AHRR: variants seen among roughly 807,000 people sequenced by gnomAD.
AHRR encodes ahR repressor.
A neutral mutation model predicts 44.0 loss-of-function variants in AHRR; 28 were observed. The ratio of observed to expected loss-of-function variants is 0.64; its 90% CI spans 0.47 to 0.87. AHRR has a LOEUF of 0.87. AHRR is among the 40% of genes least tolerant of loss of function. AHRR has a pLI of 0.00. For synonymous variants in AHRR, 434 were observed against 407.0 expected (o/e 1.07, Z -0.80); for missense variants, 990 against 953.9 (o/e 1.04, Z -0.50).
chr5:366,963 C>T (rs1380482037), intron 3 of AHRR, among the ~76,000 whole-genome samples: 1 of 152,240 alleles, frequency 6.6e-6, no homozygotes, highest in Admixed American at 6.5e-5. Flanking sequence ...GCTGCTGCCG[C>T]AGTCCAGCAC....
rs750995139 is a variant in AHRR at position 432,458 on chromosome 5, C to T, written c.909-5C>T. On this transcript the variant is annotated splice_polypyrimidine_tract_variant and splice_region_variant and intron_variant, in intron 8 of 10. Coordinates refer to ENST00000684583, the MANE Select transcript of AHRR (RefSeq NM_001377236.1). ...ATGTCACATGTTCATCTGTGTTCTT[C>T]ACAGAGTAAAAGCCACCACCAGTCT... 1 of 1,614,044 alleles carries T rather than the reference C, an allele frequency of 6.2e-7. No individual in the cohort carries two copies. Among genetic ancestry groups the T allele is most frequent in the Admixed American group, 1.7e-5 (1 of 60,028 alleles).
intron 4 of AHRR, among the ~76,000 whole-genome samples, chr5:390,716 C>T (rs1734379181): frequency 6.6e-6 from 1 of 151,952 alleles, no homozygotes; most frequent in Non-Finnish European, 1.5e-5. Flanking sequence ...GTTGGAAGTT[C>T]CTGCTGGGAT....
intron 4 of AHRR, among the ~76,000 whole-genome samples, chr5:380,301 G>T (rs1190364298): frequency 1.3e-5 from 2 of 150,922 alleles, no homozygotes; most frequent in Non-Finnish European, 1.5e-5. Flanking sequence ...GAATTGTTCT[G>T]GCTATTCTAG....
intron 1 of AHRR, among the ~76,000 whole-genome samples, chr5:340,677 TATATATATA>T (rs1180436232): frequency 2.4e-4 from 7 of 29,046 alleles, no homozygotes; most frequent in South Asian, 1.1e-3. Context: ...TATATATATA[TATATATATA>T]TATTTTTTTT....
chr5:376,557 A>AACGCGGGGAAACACAGGTAAGAT, intron 3 of AHRR, 53 bp from the exon 4 acceptor site: 1 of 1,423,184 alleles, frequency 7.0e-7, no homozygotes. Flanking sequence ...AATGAAGAAG[A>AACGCGGGGAAACACAGGTAAGAT]GTGGCCAGGC....
Position 376,619 on chromosome 5 carries a change from A to G in AHRR, c.254A>G (p.Glu85Gly). Residue 85 changes from glutamate (E) to glycine (G), a missense_variant, in exon 4 of 11, where the codon GAG becomes GGG. Glu to Gly is a moderately conservative substitution (Grantham distance 98, BLOSUM62 -2). Coordinates refer to ENST00000684583, the MANE Select transcript of AHRR (RefSeq NM_001377236.1). ...RVKSFFQVVQEQSSRQPAAGA... is the reference protein window; with the variant it reads ...RVKSFFQVVQGQSSRQPAAGA... ...TTTTCTTCTCTGACAGTCGTGCAGGAGCAGAGCTCACGGCAGCCTGCGGCC... is the reference window on the plus strand; with the variant it reads ...TTTTCTTCTCTGACAGTCGTGCAGGGGCAGAGCTCACGGCAGCCTGCGGCC... 6.2e-7 allele frequency: 1 copy of G among 1,602,218 alleles called. No individual in the cohort carries two copies. Among genetic ancestry groups the G allele is most frequent in the South Asian group, 1.1e-5 (1 of 88,804 alleles).
rs1742456680 is a variant in AHRR, at chr5:343,811, G to A, written c.-10-82G>A. 3.4e-6 allele frequency: 5 copies of A among 1,451,474 alleles called. No individual in the cohort carries two copies. In the South Asian group the frequency reaches 4.9e-5, roughly 14 times the overall value. The allele number at this position is 1,451,474 out of a possible 1,614,324, so 89.9% of individuals were successfully genotyped here. A position where few individuals can be genotyped will look rare whatever the true frequency, so the allele number is the denominator to read the frequency against. ...TCGCGGGTGTGGGGGCGCCAGGACC[G>A]CGCTGAGGGGCCCGGGGCATCGCGG... On this transcript the variant is annotated intron_variant, in intron 1 of 10. Coordinates refer to ENST00000684583, the MANE Select transcript of AHRR (RefSeq NM_001377236.1).
At position 337,716 on chromosome 5, in the gene AHRR, G is replaced by A. The variant is rs1377860062; in HGVS notation, c.-10-6177G>A. On this transcript the variant is annotated intron_variant, in intron 1 of 10. Transcript: ENST00000684583. The surrounding 1 kb of genome is among the most constrained non-coding windows in gnomAD (Gnocchi z 4.1). ...TCTGGATGGTGCTCCGGGGCTGCGG[G>A]AGGCCCCTAAGGAGTGCGCTTGGAA... Among the ~76,000 whole-genome samples, 7 of 152,184 alleles carry A rather than the reference G, an allele frequency of 4.6e-5. No homozygotes were observed. The highest frequency in any genetic ancestry group is 4.6e-4 in the Admixed American group (7 of 15,276).
In AHRR at chr5:366,281, A is replaced by T. The variant is rs113785751; in HGVS notation, c.245-10329A>T. Reference sequence around the variant, plus strand: ...GCCAGAAAGCAAGGCAGTGGTCACCAGGGATGAAGACGTGTCACAGGACAC... The same window carrying T: ...GCCAGAAAGCAAGGCAGTGGTCACCTGGGATGAAGACGTGTCACAGGACAC... On this transcript the variant is annotated intron_variant, in intron 3 of 10. Transcript: ENST00000684583. Among the ~76,000 whole-genome samples, 449 of 152,332 alleles carry T rather than the reference A, an allele frequency of 2.9e-3. 3 individuals carry two copies. The highest frequency in any genetic ancestry group is 0.01 in the African/African-American group (419 of 41,564).
chr5:415,750 G>A (rs1174039325), intron 5 of AHRR, among the ~76,000 whole-genome samples: 1 of 150,644 alleles, frequency 6.6e-6, no homozygotes. Context: ...GCAGCAGGCA[G>A]TGGAAGCCAC....
chr5:356,546 G>A lies in AHRR; in HGVS notation c.244+2635G>A, dbSNP rs1244409008. On this transcript the variant is annotated intron_variant, in intron 3 of 10. Coordinates refer to ENST00000684583, the MANE Select transcript of AHRR (RefSeq NM_001377236.1). ...CTGAGGAAGAGCGCCCGGGAGTGGA[G>A]GCCCTCAGTCACGGAGTCCACCCGG... Among the ~76,000 whole-genome samples, 3 of 85,176 alleles carry A rather than the reference G, an allele frequency of 3.5e-5. No homozygotes were observed. In the South Asian group the frequency reaches 1.6e-3, roughly 46 times the overall value. 55.9% of individuals were successfully genotyped at this position (85,176 alleles called of 152,430 possible). A position where few individuals can be genotyped will look rare whatever the true frequency, so the allele number is the denominator to read the frequency against.
At chr5:332,099 G>A (rs1006712966) in intron 1 of AHRR, among the ~76,000 whole-genome samples, 4 of 152,002 alleles carry the variant, frequency 2.6e-5, no homozygotes, top group Admixed American at 2.6e-4. Flanking sequence ...TTCCATGTAT[G>A]TATAGTTTCC....
intron 3 of AHRR, among the ~76,000 whole-genome samples, chr5:372,916 CAG>C (rs1460964809): frequency 6.6e-6 from 1 of 152,276 alleles, no homozygotes. Context: ...TGTGAAGAAA[CAG>C]AGGGCCCTTA....
chr5:330,383 A>AT (rs1257280865), intron 1 of AHRR, among the ~76,000 whole-genome samples: 12 of 151,778 alleles, frequency 7.9e-5, no homozygotes, highest in Non-Finnish European at 4.4e-5. Flanking sequence ...TTTGTTGAAG[A>AT]TTTTTTTTGA....
chr5:434,116 C>T lies in AHRR; in HGVS notation c.1376C>T (p.Ala459Val). Residue 459 changes from alanine (A) to valine (V), a missense_variant, in exon 11 of 11, where the codon GCC becomes GTC. Ala to Val is a moderately conservative substitution (Grantham distance 64). Transcript: ENST00000684583. ...ISHPPSPSPS[A>V]YSSRTSRPMR... Reference sequence around the variant, plus strand: ...CACCCGCCGAGCCCGTCCCCCAGTGCCTACTCCAGCCGGACCAGCAGACCC... The same window carrying T: ...CACCCGCCGAGCCCGTCCCCCAGTGTCTACTCCAGCCGGACCAGCAGACCC... 6.2e-7 allele frequency: 1 copy of T among 1,612,984 alleles called. No individual in the cohort carries two copies. The highest frequency in any genetic ancestry group is 1.1e-5 in the South Asian group (1 of 90,978).
chr5:410,338 A>G (rs183759570), intron 4 of AHRR, among the ~76,000 whole-genome samples: 7 of 152,338 alleles, frequency 4.6e-5, no homozygotes, highest in Admixed American at 3.9e-4. Context: ...CTGGGACTAC[A>G]GGCATGCACC....
At chr5:428,648 C>G (rs1736578698) in intron 8 of AHRR, among the ~76,000 whole-genome samples, 2 of 152,224 alleles carry the variant, frequency 1.3e-5, no homozygotes, top group Non-Finnish European at 2.9e-5. Flanking sequence ...CGTTTACTCA[C>G]TATGCATTTC....
chr5:347,403 T>C (rs995811416), intron 2 of AHRR, among the ~76,000 whole-genome samples: 1 of 152,244 alleles, frequency 6.6e-6, no homozygotes, highest in Non-Finnish European at 1.5e-5. Context: ...TGGCTAATTT[T>C]ACATCACGAT....
intron 3 of AHRR, among the ~76,000 whole-genome samples, chr5:355,360 G>C (rs894982033): frequency 7.2e-5 from 11 of 152,322 alleles, no homozygotes; most frequent in African/African-American, 2.4e-4. Context: ...TCTGGGACAC[G>C]CCTTTCATGG....
Sources: gnomAD v4.1 joint callset for allele counts (sites outside exome capture counted in the v4.1 genomes callset) on GRCh38, gnomAD v4.1.1 for gene constraint, Gnocchi (gnomAD v3.1) non-coding constraint, MANE v1.5 for transcripts, NCBI Gene and HGNC (gene_info 2026-07-23, HGNC 2026-07-21) for gene names.